The following DISP1 variants were observed in gnomAD, a reference collection of about 807,000 sequenced individuals.
DISP1 encodes dispatched RND transporter family member 1, also known as protein dispatched homolog 1.
In DISP1, 30 loss-of-function variants were observed where a neutral mutation model predicts 37.3. That is an observed-to-expected ratio of 0.80 (90% CI 0.60 to 1.09). The LOEUF (loss-of-function observed/expected upper bound fraction) is 1.09. DISP1 is among the 50% of genes least tolerant of loss of function. The probability of loss-of-function intolerance (pLI) is 0.00; values close to 1 mark genes in which losing one functional copy is unlikely to be tolerated. For missense variants in DISP1, 1,598 were observed against 1,879.5 expected, an observed-to-expected ratio of 0.85 and a Z score of 2.77; for synonymous variants, 634 against 690.2, an observed-to-expected ratio of 0.92 and a Z score of 1.28.
intron 1 of DISP1, among the ~76,000 whole-genome samples, chr1:222,906,876 C>G (rs1389304597): frequency 6.6e-6 from 1 of 152,162 alleles, no homozygotes; most frequent in Non-Finnish European, 1.5e-5. Flanking sequence ...CTTTCTTGCT[C>G]AGACCCAAGA....
intron 1 of DISP1, among the ~76,000 whole-genome samples, chr1:222,833,191 A>G (rs912511754): frequency 6.6e-6 from 1 of 151,378 alleles, no homozygotes; most frequent in Non-Finnish European, 1.5e-5. Context: ...TGTTTTAGAC[A>G]GATTGGGATA....
chr1:222,867,701 G>T (rs1022024216), intron 1 of DISP1, among the ~76,000 whole-genome samples: 5 of 152,180 alleles, frequency 3.3e-5, no homozygotes, highest in African/African-American at 4.8e-5. Flanking sequence ...TAGTGGCAAA[G>T]CTAGAAATAG....
intron 1 of DISP1, among the ~76,000 whole-genome samples, chr1:222,894,688 G>A (rs916398134): frequency 1.3e-5 from 2 of 152,176 alleles, no homozygotes; most frequent in African/African-American, 4.8e-5. Flanking sequence ...GGGAGCATGG[G>A]GCTCCTGCTT....
chr1:222,926,027 A>G (rs763385377), intron 1 of DISP1, among the ~76,000 whole-genome samples: 1 of 152,200 alleles, frequency 6.6e-6, no homozygotes, highest in Non-Finnish European at 1.5e-5. Context: ...CTAATTCTAT[A>G]ACATTTTCAC....
intron 1 of DISP1, among the ~76,000 whole-genome samples, chr1:222,866,688 TA>T (rs1669212113): frequency 6.6e-6 from 1 of 152,102 alleles, no homozygotes; most frequent in African/African-American, 2.4e-5. Context: ...ATTTTTAAGA[TA>T]AAGATGAAGC....
intron 1 of DISP1, among the ~76,000 whole-genome samples, chr1:222,892,848 A>G (rs1671014049): frequency 6.6e-6 from 1 of 152,246 alleles, no homozygotes; most frequent in African/African-American, 2.4e-5. Context: ...TTGAATGTCC[A>G]GCTTGGTGAT....
At chr1:222,871,106 C>A (rs189869316) in intron 1 of DISP1, among the ~76,000 whole-genome samples, 2 of 151,714 alleles carry the variant, frequency 1.3e-5, no homozygotes, top group African/African-American at 2.4e-5. Context: ...GTTGTAGATA[C>A]GCGGCATTAT....
chr1:222,831,009 A>T (rs1457379227), intron 1 of DISP1: 3 of 152,188 alleles, frequency 2.0e-5, no homozygotes, highest in Non-Finnish European at 4.4e-5. Context: ...ATGGTGGCAC[A>T]TGTGACTGAT....
intron 2 of DISP1, among the ~76,000 whole-genome samples, chr1:222,929,847 T>C (rs1344671994): frequency 1.3e-5 from 2 of 152,152 alleles, no homozygotes; most frequent in Non-Finnish European, 2.9e-5. Context: ...TTTTATTGAT[T>C]TTACTTTATT....
At chr1:222,936,760 TATAAAA>T (rs1391885858) in intron 2 of DISP1, among the ~76,000 whole-genome samples, 5 of 70,134 alleles carry the variant, frequency 7.1e-5, no homozygotes, top group Non-Finnish European at 1.3e-4. Flanking sequence ...ATATATGATA[TATAAAA>T]ATTATATATA....
chr1:222,954,656 G>A (rs1219820430), intron 3 of DISP1, among the ~76,000 whole-genome samples: 3 of 152,016 alleles, frequency 2.0e-5, no homozygotes, highest in Non-Finnish European at 4.4e-5. Context: ...TCCTAAAGAG[G>A]GAGATGGAAT....
intron 1 of DISP1, among the ~76,000 whole-genome samples, chr1:222,879,666 A>T (rs1408990268): frequency 6.6e-6 from 1 of 152,178 alleles, no homozygotes. Context: ...GTGAAGAAAG[A>T]TAAAGTTAAT....
intron 3 of DISP1, among the ~76,000 whole-genome samples, chr1:222,946,301 G>A (rs1223875576): frequency 6.7e-6 from 1 of 149,626 alleles, no homozygotes; most frequent in Non-Finnish European, 1.5e-5. Flanking sequence ...GGAGAATGGC[G>A]TGAACCCAGG....
intron 5 of DISP1, 116 bp from the exon 6 acceptor site, chr1:222,991,404 C>T (rs1678684684): frequency 1.6e-6 from 2 of 1,275,122 alleles, no homozygotes; most frequent in African/African-American, 2.9e-5. Context: ...TGAGGAACAG[C>T]TATATTTTCT....
rs1671072844 is a variant in DISP1 at position 222,893,696 on chromosome 1, G to T, written c.-158-34734G>T. On this transcript the variant is annotated intron_variant, in intron 1 of 8. Transcript: ENST00000675850. This position sits in a 1 kb window ranked among gnomAD's most constrained non-coding sequence, Gnocchi z 4.3. ...TGGTGGTGCCTGGAAGCTTGGAGAT[G>T]CCAGGAACTGCAGAGCCCCAAAGAG... 6.6e-6 allele frequency among the ~76,000 whole-genome samples: 1 copy of T among 152,214 alleles called. No individual in the cohort carries two copies. Among genetic ancestry groups the T allele is most frequent in the African/African-American group, 2.4e-5 (1 of 41,434 alleles).
intron 2 of DISP1, among the ~76,000 whole-genome samples, chr1:222,931,061 G>A (rs1673359927): frequency 6.6e-6 from 1 of 151,888 alleles, no homozygotes; most frequent in Non-Finnish European, 1.5e-5. Flanking sequence ...GCAGGGAGTG[G>A]GGCCTGGTAT....
intron 1 of DISP1, among the ~76,000 whole-genome samples, chr1:222,925,695 G>A (rs575870599): frequency 6.6e-6 from 1 of 152,158 alleles, no homozygotes; most frequent in Admixed American, 6.6e-5. Context: ...ACATACAGTG[G>A]TTCTCAAAAT....
At chr1:222,841,186 ATATTT>A (rs1667596351) in intron 1 of DISP1, among the ~76,000 whole-genome samples, 1 of 152,168 alleles carries the variant, frequency 6.6e-6, no homozygotes, top group African/African-American at 2.4e-5. Flanking sequence ...TTTTGTTAGC[ATATTT>A]TATTTTCTTT....
rs529991064 is a variant in DISP1, at chr1:222,955,032, G to A, written c.509+11700G>A. Among the ~76,000 whole-genome samples the A allele has an allele frequency of 3.2e-4, 48 of 151,872 alleles. 1 individual carries two copies. Among genetic ancestry groups the A allele is most frequent in the African/African-American group, 1.1e-3 (44 of 41,416 alleles). On this transcript the variant is annotated intron_variant, in intron 3 of 8. Transcript: ENST00000675850. ...AGAGAAGGCATCACAATACATTCTA[G>A]TTAGTCCAAGAAGATTGCTCCCATA...
Sources: allele counts gnomAD v4.1 joint callset (sites outside exome capture counted in the v4.1 genomes callset), GRCh38; gene constraint gnomAD v4.1.1; non-coding constraint Gnocchi (gnomAD v3.1); transcripts MANE v1.5; gene names NCBI Gene and HGNC (gene_info 2026-07-23, HGNC 2026-07-21).